GSG1L: variants seen among roughly 807,000 people sequenced by gnomAD.
GSG1L encodes the protein germ cell-specific gene 1-like protein.
Under a neutral mutation model 42.1 loss-of-function variants are expected in GSG1L, and 24 were observed. That is an observed-to-expected ratio of 0.57 (90% confidence interval 0.41 to 0.80). GSG1L has a LOEUF of 0.80. Ranked by LOEUF, GSG1L falls within the 30% of genes least tolerant of loss-of-function variation. GSG1L has a pLI of 0.00. For synonymous variants in GSG1L, 215 were observed against 203.5 expected, an observed-to-expected ratio of 1.06 and a Z score of -0.48; for missense variants, 445 against 472.2, an observed-to-expected ratio of 0.94 and a Z score of 0.53.
At chr16:27,979,726 G>GGAAGGAAGGAAGGAAGGAAGGAAGGAAA (rs1491436872) in intron 1 of GSG1L, among the ~76,000 whole-genome samples, 4 of 53,608 alleles carry the variant, frequency 7.5e-5, no homozygotes, top group African/African-American at 2.8e-4. Flanking sequence ...AAGGAAGGAA[G>GGAAGGAAGGAAGGAAGGAAGGAAGGAAA]GAAAGAAAAA....
At chr16:27,872,433 T>C (rs1260481147) in intron 3 of GSG1L, among the ~76,000 whole-genome samples, 2 of 152,058 alleles carry the variant, frequency 1.3e-5, no homozygotes. Context: ...TTCTCAACTA[T>C]AAAATGGGGA....
chr16:27,791,448 C>A lies in GSG1L; in HGVS notation c.918G>T (p.Ala306=). The A allele has an allele frequency of 6.6e-7, 1 of 1,505,586 alleles. No individual in the cohort carries two copies. The highest frequency in any genetic ancestry group is 8.9e-7 in the Non-Finnish European group (1 of 1,120,542). The allele number at this position is 1,505,586 out of a possible 1,614,324, so 93.3% of individuals were successfully genotyped here. A position where few individuals can be genotyped will look rare whatever the true frequency, so the allele number is the denominator to read the frequency against. ...GTGCGGAGCTCCGGGGCCAGGAATC[C>A]GCCATGTGTGGCTGGTGTCCTGCCA... ...RYPARHQPHM[A]DSWPRSSAQE... is the part of the protein sequence containing the mutation. Residue 306 remains alanine, a synonymous_variant, in exon 7 of 7, where the codon GCG becomes GCT. Transcript: ENST00000447459.
chr16:27,954,717 G>A (rs777876946), intron 2 of GSG1L, among the ~76,000 whole-genome samples: 1 of 152,104 alleles, frequency 6.6e-6, no homozygotes, highest in Admixed American at 6.5e-5. Context: ...GTGGTGGTAC[G>A]ATCCTAGCTC....
chr16:27,880,733 C>T (rs1397699646), intron 3 of GSG1L, among the ~76,000 whole-genome samples: 6 of 152,116 alleles, frequency 3.9e-5, no homozygotes, highest in African/African-American at 1.2e-4. Flanking sequence ...TTGCAAGAAC[C>T]GGTGTTGGCT....
chr16:27,854,153 G>T lies in GSG1L; in HGVS notation c.551-9092C>A, dbSNP rs568993495. Among the ~76,000 whole-genome samples, 13 of 151,242 alleles carry T rather than the reference G, an allele frequency of 8.6e-5. No individual in the cohort carries two copies. In the East Asian group the frequency reaches 2.5e-3, roughly 30 times the overall value. On this transcript the variant is annotated intron_variant, in intron 3 of 6. Coordinates refer to ENST00000447459, the MANE Select transcript of GSG1L (RefSeq NM_001109763.2). ...ACCTGGAGATCAGCTAAAGTTGCTC[G>T]CCTGGAGGGGACTGGGACGCAGGGG...
chr16:27,815,737 T>C (rs1267629854), intron 5 of GSG1L, among the ~76,000 whole-genome samples: 3 of 152,188 alleles, frequency 2.0e-5, no homozygotes, highest in African/African-American at 7.2e-5. Flanking sequence ...ATTCTTCTGG[T>C]TATTATAAGG....
At chr16:27,936,042 AC>A (rs2084712536) in intron 2 of GSG1L, among the ~76,000 whole-genome samples, 1 of 149,984 alleles carries the variant, frequency 6.7e-6, no homozygotes, top group African/African-American at 2.5e-5. Context: ...CCAGGGAATC[AC>A]CCCCACCCTT....
chr16:27,963,155 C>T lies in GSG1L; in HGVS notation c.397+1G>A. The T allele has an allele frequency of 6.2e-7, 1 of 1,613,424 alleles. No individual in the cohort carries two copies. The highest frequency in any genetic ancestry group is 8.5e-7 in the Non-Finnish European group (1 of 1,179,378). On this transcript the variant is annotated splice_donor_variant, in intron 2 of 6. Transcript: ENST00000447459. LOFTEE classifies it high-confidence loss of function. ...CACAGCTCAGCTGGGGTCACACTCACCTTTCTCCGATGCCGGGGCCAGGTC... is the reference window on the plus strand; with the variant it reads ...CACAGCTCAGCTGGGGTCACACTCATCTTTCTCCGATGCCGGGGCCAGGTC...
intron 1 of GSG1L, among the ~76,000 whole-genome samples, chr16:28,041,444 C>T (rs1457741536): frequency 1.3e-5 from 2 of 151,772 alleles, no homozygotes; most frequent in South Asian, 2.1e-4. Flanking sequence ...AAAGTGAGAC[C>T]CTCTCTCAAA....
At chr16:27,942,151 T>C (rs1041432112) in intron 2 of GSG1L, among the ~76,000 whole-genome samples, 20 of 140,072 alleles carry the variant, frequency 1.4e-4, no homozygotes, top group African/African-American at 5.1e-4. Flanking sequence ...CTTCTTCTTT[T>C]TTTTTTTTTT....
chr16:27,961,615 T>G (rs1263503477), intron 2 of GSG1L, among the ~76,000 whole-genome samples: 1 of 152,214 alleles, frequency 6.6e-6, no homozygotes, highest in African/African-American at 2.4e-5. Context: ...TGCGACGTGC[T>G]TGGCACTGTA....
intron 6 of GSG1L, among the ~76,000 whole-genome samples, chr16:27,797,204 G>T (rs1567457114): frequency 6.6e-6 from 1 of 152,160 alleles, no homozygotes. Context: ...CAGATACTTA[G>T]ATTTAAAACT....
At chr16:27,844,845 T>TTCTC in intron 4 of GSG1L, 105 bp downstream of exon 4, 1 of 208,158 alleles carries the variant, frequency 4.8e-6, no homozygotes, top group South Asian at 4.9e-5. Flanking sequence ...TCCCCATTTC[T>TTCTC]CCTCCCCCCC....
intron 2 of GSG1L, among the ~76,000 whole-genome samples, chr16:27,921,769 T>C (rs913679701): frequency 1.3e-5 from 2 of 152,220 alleles, no homozygotes; most frequent in East Asian, 1.9e-4. Flanking sequence ...GCTCTTGTTT[T>C]AGTGACCTGT....
chr16:27,970,191 GAA>G, intron 1 of GSG1L, among the ~76,000 whole-genome samples: 1 of 152,150 alleles, frequency 6.6e-6, no homozygotes, highest in South Asian at 2.1e-4. Context: ...CTTTGAAGCA[GAA>G]AAGTTTTTAA....
rs2083361115 is a variant in GSG1L, at chr16:27,839,965, A to G, written c.662+4985T>C. ...TCTCCTGGGGATCAGTGACAGGACC[A>G]GGCAACTCGGGGCTTGTAAAGTGCC... is the stretch of plus-strand genomic sequence containing the variant. On this transcript the variant is annotated intron_variant, in intron 4 of 6. Coordinates refer to ENST00000447459, the MANE Select transcript of GSG1L (RefSeq NM_001109763.2). Among the ~76,000 whole-genome samples the G allele has an allele frequency of 2.0e-5, 3 of 151,774 alleles. No homozygotes were observed. In the South Asian group the frequency reaches 6.3e-4, roughly 32 times the overall value.
intron 4 of GSG1L, among the ~76,000 whole-genome samples, chr16:27,837,977 G>C (rs1405303413): frequency 2.0e-5 from 3 of 151,858 alleles, no homozygotes; most frequent in Non-Finnish European, 4.4e-5. Flanking sequence ...CCAGCCTACT[G>C]TCTTCTTCCT....
chr16:27,901,659 C>T (rs190274281), intron 2 of GSG1L, among the ~76,000 whole-genome samples: 7 of 152,296 alleles, frequency 4.6e-5, no homozygotes, highest in African/African-American at 7.2e-5. Flanking sequence ...TGCCCCAGGT[C>T]GTTCAGATGC....
chr16:27,808,575 CG>C, intron 5 of GSG1L, among the ~76,000 whole-genome samples: 1 of 152,064 alleles, frequency 6.6e-6, no homozygotes, highest in South Asian at 2.1e-4. Context: ...CCTGCCACTG[CG>C]CCCAGCTAAT....
Sources: gnomAD v4.1 joint callset for allele counts (sites outside exome capture counted in the v4.1 genomes callset) on GRCh38, gnomAD v4.1.1 for gene constraint, MANE v1.5 for transcripts, NCBI Gene and HGNC (gene_info 2026-07-23, HGNC 2026-07-21) for gene names.